Variants in PTCSC3 observed in about 807,000 individuals in gnomAD.
PTCSC3 encodes papillary thyroid carcinoma susceptibility candidate 3.
At chr14:36,174,536 GTAGATAGTCTA>G (rs1882248522) in intron 1 of PTCSC3, among the ~76,000 whole-genome samples, 1 of 152,070 alleles carries the variant, frequency 6.6e-6, no homozygotes, top group Non-Finnish European at 1.5e-5. Flanking sequence ...ACAACACACT[GTAGATAGTCTA>G]GATTCTGTAG....
intron 2 of PTCSC3, among the ~76,000 whole-genome samples, chr14:36,162,337 G>T (rs1304176018): frequency 1.3e-5 from 2 of 150,114 alleles, no homozygotes; most frequent in African/African-American, 5.0e-5. Context: ...TTTTGTGCTT[G>T]AAACCTAGGT....
chr14:36,154,991 A>G (rs1238207184), intron 2 of PTCSC3, among the ~76,000 whole-genome samples: 2 of 152,180 alleles, frequency 1.3e-5, no homozygotes, highest in African/African-American at 4.8e-5. Flanking sequence ...AAATGAGAAA[A>G]CAGTGCCCTG....
At chr14:36,142,437 T>C (rs61995159) in intron 3 of PTCSC3, among the ~76,000 whole-genome samples, 1 of 152,152 alleles carries the variant, frequency 6.6e-6, no homozygotes, top group African/African-American at 2.4e-5. Context: ...TGGTACATGA[T>C]TTTTCTTTCT....
intron 3 of PTCSC3, among the ~76,000 whole-genome samples, chr14:36,139,587 G>T (rs1247797809): frequency 3.9e-5 from 6 of 152,020 alleles, no homozygotes; most frequent in African/African-American, 1.4e-4. Context: ...CACAACATGT[G>T]TATCTATGAA....
intron 3 of PTCSC3, among the ~76,000 whole-genome samples, chr14:36,140,686 T>A (rs1481996754): frequency 6.6e-6 from 1 of 152,182 alleles, no homozygotes; most frequent in Non-Finnish European, 1.5e-5. Flanking sequence ...GGTTATCTTT[T>A]TGTGGCTCGT....
intron 2 of PTCSC3, among the ~76,000 whole-genome samples, chr14:36,161,084 C>T (rs1374918870): frequency 6.6e-6 from 1 of 152,112 alleles, no homozygotes; most frequent in East Asian, 1.9e-4. Flanking sequence ...CATTTATGTT[C>T]TTCTCTAAAC....
At chr14:36,155,263 A>G (rs1298602989) in intron 2 of PTCSC3, among the ~76,000 whole-genome samples, 2 of 152,188 alleles carry the variant, frequency 1.3e-5, no homozygotes, top group Non-Finnish European at 2.9e-5. Flanking sequence ...CCTAATGTAA[A>G]TCAGGGAAAA....
intron 3 of PTCSC3, among the ~76,000 whole-genome samples, chr14:36,141,623 G>A (rs536223243): frequency 1.8e-4 from 28 of 152,082 alleles, no homozygotes; most frequent in African/African-American, 6.7e-4. Context: ...AAAGTGCTGG[G>A]ATTACAGGCG....
chr14:36,164,293 G>A (rs1427130633), intron 1 of PTCSC3: 1 of 152,146 alleles, frequency 6.6e-6, no homozygotes, highest in African/African-American at 2.4e-5. Context: ...TTCACTAAAT[G>A]TTTGCCACAA....
chr14:36,164,102 C>G (rs1362599474), intron 1 of PTCSC3: 1 of 152,158 alleles, frequency 6.6e-6, no homozygotes, highest in Non-Finnish European at 1.5e-5. Flanking sequence ...AATTTTCTGC[C>G]TCATTCACTC....
intron 3 of PTCSC3, among the ~76,000 whole-genome samples, chr14:36,151,356 C>T (rs959654665): frequency 2.6e-5 from 4 of 151,472 alleles, no homozygotes; most frequent in Non-Finnish European, 5.9e-5. Flanking sequence ...ATATCATATG[C>T]CTAAATTTTG....
intron 3 of PTCSC3, among the ~76,000 whole-genome samples, chr14:36,148,812 G>A (rs923429344): frequency 3.3e-5 from 5 of 152,186 alleles, no homozygotes; most frequent in African/African-American, 9.7e-5. Context: ...TGTGGGCATA[G>A]AGTTGTTTAA....
At position 36,154,066 on chromosome 14, in the gene PTCSC3, C is replaced by T. The variant is rs1367611990; in HGVS notation, n.232-172G>A. On this transcript the variant is annotated intron_variant and non_coding_transcript_variant, in intron 2 of 3. Coordinates refer to ENST00000556013, the Ensembl canonical transcript of PTCSC3. ...TGGGTGACACAGTGGGACCCTGTCT[C>T]GAAAAAAAAAAAAACTACTGCTACA... Among the ~76,000 whole-genome samples the T allele has an allele frequency of 1.3e-4, 10 of 78,316 alleles. No individual in the cohort carries two copies. The South Asian group carries it at 2.6e-3, about 20-fold the overall frequency. The allele number at this position is 78,316 out of a possible 152,430, so 51.4% of individuals were successfully genotyped here.
chr14:36,160,739 C>T (rs1881936798), intron 2 of PTCSC3, among the ~76,000 whole-genome samples: 1 of 151,908 alleles, frequency 6.6e-6, no homozygotes, highest in Non-Finnish European at 1.5e-5. Context: ...TTGTGGTGTT[C>T]TCTGTATTTC....
At chr14:36,162,263 A>T in intron 2 of PTCSC3, among the ~76,000 whole-genome samples, 1 of 44,324 alleles carries the variant, frequency 2.3e-5, no homozygotes, top group East Asian at 6.4e-4. Context: ...GTATGGAAAA[A>T]AAAAAAAAAA....
intron 1 of PTCSC3, among the ~76,000 whole-genome samples, chr14:36,166,209 G>T (rs1882083755): frequency 1.3e-5 from 2 of 152,104 alleles, no homozygotes; most frequent in Non-Finnish European, 2.9e-5. Context: ...AGTATTCTAG[G>T]CACGCTACAG....
intron 1 of PTCSC3, among the ~76,000 whole-genome samples, chr14:36,169,801 T>A (rs1882160805): frequency 6.6e-6 from 1 of 152,148 alleles, no homozygotes; most frequent in Non-Finnish European, 1.5e-5. Flanking sequence ...CCACTTTTCT[T>A]ACACATATTG....
chr14:36,154,028 C>T (rs904200321), intron 2 of PTCSC3: 1 of 150,594 alleles, frequency 6.6e-6, no homozygotes, highest in East Asian at 2.0e-4. Context: ...GTTGGTGCCA[C>T]TGCACTCCAG....
At chr14:36,137,058 A>G (rs1881304776) in intron 3 of PTCSC3, among the ~76,000 whole-genome samples, 1 of 152,316 alleles carries the variant, frequency 6.6e-6, no homozygotes, top group African/African-American at 2.4e-5. Context: ...TTATAGAAAA[A>G]AAAGCAGAAT....
Sources: allele counts gnomAD v4.1 joint callset (sites outside exome capture counted in the v4.1 genomes callset), GRCh38; gene constraint gnomAD v4.1.1; transcripts MANE v1.5; gene names NCBI Gene and HGNC (gene_info 2026-07-23, HGNC 2026-07-21).